The following FAM210A variants were observed in gnomAD, a reference collection of about 807,000 sequenced individuals.
FAM210A encodes the protein family with sequence similarity 210 member A.
Under a neutral mutation model 25.3 loss-of-function variants are expected in FAM210A, and 13 were observed. The observed-to-expected ratio is 0.51, with a 90% CI of 0.33 to 0.82. The LOEUF is 0.82. Ranked by LOEUF, FAM210A falls within the 40% of genes least tolerant of loss-of-function variation. FAM210A has a pLI of 0.02. For synonymous variants in FAM210A, 125 were observed against 118.7 expected, an observed-to-expected ratio of 1.05 and a Z score of -0.35; for missense variants, 319 against 323.2, an observed-to-expected ratio of 0.99 and a Z score of 0.10.
chr18:13,687,712 T>A (rs2043609038), intron 1 of FAM210A: 1 of 152,172 alleles, frequency 6.6e-6, no homozygotes, highest in Non-Finnish European at 1.5e-5. Context: ...GCCTATAAAG[T>A]CCTAGGATCA....
chr18:13,724,778 T>G (rs1202072504), intron 1 of FAM210A, among the ~76,000 whole-genome samples: 1 of 152,192 alleles, frequency 6.6e-6, no homozygotes, highest in Non-Finnish European at 1.5e-5. Context: ...TTTTTTTGTT[T>G]TGTTTAGTTT....
At chr18:13,713,725 A>AACACACACAC (rs55691136) in intron 1 of FAM210A, among the ~76,000 whole-genome samples, 3,793 of 141,970 alleles carry the variant, frequency 0.027, 91 homozygotes, top group African/African-American at 0.055. Flanking sequence ...GTCACTATAA[A>AACACACACAC]ACACACACAC....
intron 1 of FAM210A, among the ~76,000 whole-genome samples, chr18:13,688,288 C>T (rs1043681768): frequency 3.3e-5 from 5 of 152,166 alleles, no homozygotes; most frequent in Admixed American, 6.5e-5. Flanking sequence ...TGTCTTTTTA[C>T]CAATCGAATG....
Position 13,666,060 on chromosome 18 carries a change from T to C in FAM210A, c.*420A>G, listed in dbSNP as rs532221061. 1 of 166,164 alleles carries C rather than the reference T, an allele frequency of 6.0e-6. No individual in the cohort carries two copies. The highest frequency in any genetic ancestry group is 1.6e-4 in the South Asian group (1 of 6,410). The allele number at this position is 166,164 out of a possible 1,614,324, so 10.3% of individuals were successfully genotyped here. A position where few individuals can be genotyped will look rare whatever the true frequency, so the allele number is the denominator to read the frequency against. On this transcript the variant is annotated 3_prime_UTR_variant, in exon 4 of 4. Transcript: ENST00000651643. ...TTGTCTCCAAATTACGTACTGAATA[T>C]AGTTAAAATCTTAATGAATAACATA...
chr18:13,713,995 G>C (rs904457674), intron 1 of FAM210A, among the ~76,000 whole-genome samples: 2 of 152,048 alleles, frequency 1.3e-5, no homozygotes, highest in Non-Finnish European at 2.9e-5. Flanking sequence ...TACGAACCAG[G>C]GGATTTTCTT....
intron 1 of FAM210A, among the ~76,000 whole-genome samples, chr18:13,707,163 G>A (rs773850609): frequency 1.3e-5 from 2 of 152,140 alleles, no homozygotes; most frequent in African/African-American, 2.4e-5. Context: ...GCTGAATCTC[G>A]AAACCCAAAA....
At chr18:13,672,613 T>TC (rs1254276671) in intron 2 of FAM210A, among the ~76,000 whole-genome samples, 12 of 152,204 alleles carry the variant, frequency 7.9e-5, no homozygotes, top group Admixed American at 7.2e-4. Context: ...CTTCATCATG[T>TC]AGGCCAGGAT....
chr18:13,688,245 G>A (rs2149059604), intron 1 of FAM210A, among the ~76,000 whole-genome samples: 1 of 152,274 alleles, frequency 6.6e-6, no homozygotes, highest in Middle Eastern at 3.4e-3. Context: ...CCAAACGTGT[G>A]TGCCCGCTCT....
chr18:13,666,798 G>A, intron 3 of FAM210A, 85 bp from the exon 4 acceptor site: 1 of 1,210,362 alleles, frequency 8.3e-7, no homozygotes, highest in South Asian at 1.4e-5. Flanking sequence ...TAAAATTCTT[G>A]GTAATAACCC....
chr18:13,690,426 T>C (rs763845644), intron 1 of FAM210A, among the ~76,000 whole-genome samples: 4 of 152,152 alleles, frequency 2.6e-5, no homozygotes, highest in African/African-American at 4.8e-5. Flanking sequence ...AGCACGGAGT[T>C]TGAGATCTGA....
At chr18:13,720,401 T>G (rs2043889592) in intron 1 of FAM210A, among the ~76,000 whole-genome samples, 1 of 152,124 alleles carries the variant, frequency 6.6e-6, no homozygotes, top group South Asian at 2.1e-4. Context: ...CAACCTGAAG[T>G]AGCACACCCA....
chr18:13,722,048 T>C (rs998998346), intron 1 of FAM210A, among the ~76,000 whole-genome samples: 7 of 152,100 alleles, frequency 4.6e-5, no homozygotes, highest in Admixed American at 1.3e-4. Flanking sequence ...TGGGAACTGA[T>C]TGAGGGACCA....
chr18:13,701,094 TG>T (rs2043735680), intron 1 of FAM210A, among the ~76,000 whole-genome samples: 1 of 152,194 alleles, frequency 6.6e-6, no homozygotes, highest in African/African-American at 2.4e-5. Context: ...TTTTAACAGA[TG>T]GTGTCAGAAG....
chr18:13,685,680 T>C (rs748797951), intron 1 of FAM210A, among the ~76,000 whole-genome samples: 1 of 152,216 alleles, frequency 6.6e-6, no homozygotes, highest in Non-Finnish European at 1.5e-5. Flanking sequence ...ACCCTACATA[T>C]ACTGACTGAT....
At chr18:13,709,476 C>A (rs2043805749) in intron 1 of FAM210A, among the ~76,000 whole-genome samples, 1 of 152,214 alleles carries the variant, frequency 6.6e-6, no homozygotes, top group Non-Finnish European at 1.5e-5. Context: ...CTCCTGGAAG[C>A]CTTTGTTCAA....
intron 1 of FAM210A, among the ~76,000 whole-genome samples, chr18:13,723,763 C>T (rs1316872295): frequency 1.3e-5 from 2 of 152,176 alleles, no homozygotes; most frequent in South Asian, 2.1e-4. Context: ...AACTAATCAT[C>T]ACACACAGTA....
intron 1 of FAM210A, among the ~76,000 whole-genome samples, chr18:13,719,107 C>T (rs942141746): frequency 6.6e-6 from 1 of 152,154 alleles, no homozygotes; most frequent in Non-Finnish European, 1.5e-5. Context: ...AAGTGTGCCA[C>T]ACAAATAAAA....
intron 3 of FAM210A, among the ~76,000 whole-genome samples, chr18:13,667,633 C>T (rs1310458796): frequency 6.6e-6 from 1 of 152,118 alleles, no homozygotes; most frequent in African/African-American, 2.4e-5. Flanking sequence ...GCAGGAGAAT[C>T]GCTTGAACCC....
intron 1 of FAM210A, among the ~76,000 whole-genome samples, chr18:13,691,532 A>C (rs1390183786): frequency 6.6e-6 from 1 of 152,194 alleles, no homozygotes; most frequent in African/African-American, 2.4e-5. Flanking sequence ...CACAAAGGGA[A>C]GCCCATCAGA....
Sources: allele counts gnomAD v4.1 joint callset (sites outside exome capture counted in the v4.1 genomes callset), GRCh38; gene constraint gnomAD v4.1.1; transcripts MANE v1.5; gene names NCBI Gene and HGNC (gene_info 2026-07-23, HGNC 2026-07-21).